The following SCAF4 variants were observed in gnomAD, a reference collection of about 807,000 sequenced individuals.
SCAF4 encodes the protein SR-related CTD associated factor 4.
SCAF4 carries 25 observed loss-of-function variants against 129.8 expected under a neutral mutation model. The ratio of observed to expected loss-of-function variants is 0.19; its 90% CI spans 0.14 to 0.27. The LOEUF (loss-of-function observed/expected upper bound fraction) is 0.27. Ranked by LOEUF, SCAF4 falls within the 10% of genes least tolerant of loss-of-function variation. The pLI is 1.00. For missense variants in SCAF4, 1,246 were observed against 1,457.1 expected (o/e 0.86, Z 2.36); for synonymous variants, 551 against 497.7 (o/e 1.11, Z -1.43).
intron 1 of SCAF4, among the ~76,000 whole-genome samples, chr21:31,723,664 T>A (rs2123686127): frequency 6.6e-6 from 1 of 151,236 alleles, no homozygotes. Context: ...AGTTCAAGTT[T>A]TCTTTCTGGC....
In SCAF4 at chr21:31,693,319, A is replaced by C. The variant is rs1173976537; in HGVS notation, c.1488T>G (p.Pro496=). 1 of 1,516,720 alleles carries C rather than the reference A, an allele frequency of 6.6e-7. No individual in the cohort carries two copies. The allele number at this position is 1,516,720 out of a possible 1,614,324, so 94.0% of individuals were successfully genotyped here. ...CACTTGCAGTTTCCGGTTTCACTTGAGGGAGGCCTTTTTGTCGACGTTCTC... is the reference window on the plus strand; with the variant it reads ...CACTTGCAGTTTCCGGTTTCACTTGCGGGAGGCCTTTTTGTCGACGTTCTC... ...KERERRQKGL[P]QVKPETASVC... Residue 496 remains proline, a synonymous_variant, in exon 12 of 20, where the codon CCT becomes CCG. Coordinates refer to ENST00000286835, the MANE Select transcript of SCAF4 (RefSeq NM_020706.2).
At chr21:31,691,572 CA>C (rs2050260486) in intron 14 of SCAF4, among the ~76,000 whole-genome samples, 1 of 151,380 alleles carries the variant, frequency 6.6e-6, no homozygotes, top group Non-Finnish European at 1.5e-5. Context: ...ATGATGAACC[CA>C]TCTACATTTA....
At chr21:31,699,890 G>A (rs183552657) in intron 7 of SCAF4, among the ~76,000 whole-genome samples, 30 of 152,290 alleles carry the variant, frequency 2.0e-4, no homozygotes, top group Non-Finnish European at 3.2e-4. Context: ...CTTAGTGGCA[G>A]CTTCTTAAAC....
At chr21:31,731,597 G>T in intron 1 of SCAF4, 66 bp downstream of exon 1, 1 of 1,544,452 alleles carries the variant, frequency 6.5e-7, no homozygotes, top group South Asian at 1.1e-5. Flanking sequence ...AACCTCCGGC[G>T]GCGGGAGAAA....
At chr21:31,721,722 A>ATT in intron 1 of SCAF4, among the ~76,000 whole-genome samples, 1 of 142,028 alleles carries the variant, frequency 7.0e-6, no homozygotes, top group Non-Finnish European at 1.5e-5. Flanking sequence ...AGCAAGAGCA[A>ATT]TTCTTTTTTT....
intron 19 of SCAF4, chr21:31,684,510 T>G: frequency 6.5e-6 from 1 of 153,588 alleles, no homozygotes; most frequent in Non-Finnish European, 1.5e-5. Flanking sequence ...GGGAAAGTGG[T>G]ACCTCAGGCT....
Position 31,728,396 on chromosome 21 carries a change from T to A in SCAF4, c.30+3267A>T, listed in dbSNP as rs530528572. Among the ~76,000 whole-genome samples the A allele has an allele frequency of 5.9e-5, 9 of 152,220 alleles. No homozygotes were observed. In the South Asian group the frequency reaches 1.9e-3, roughly 32 times the overall value. ...CTACCTCTTATTTCCTTATCTCCCA[T>A]CACCATTCAACCCTAAACCTCAAAT... is the stretch of plus-strand genomic sequence containing the variant. On this transcript the variant is annotated intron_variant, in intron 1 of 19. Coordinates refer to ENST00000286835, the MANE Select transcript of SCAF4 (RefSeq NM_020706.2).
intron 19 of SCAF4, among the ~76,000 whole-genome samples, chr21:31,678,172 T>C (rs568542443): frequency 4.6e-5 from 7 of 152,326 alleles, no homozygotes; most frequent in Admixed American, 1.3e-4. Context: ...TTGACATCTG[T>C]ACCTGGGTAT....
At chr21:31,722,508 TTATAGAGATGCCA>T (rs1568866193) in intron 1 of SCAF4, among the ~76,000 whole-genome samples, 1 of 152,150 alleles carries the variant, frequency 6.6e-6, no homozygotes, top group Admixed American at 6.5e-5. Context: ...TGAACAAAAA[TTATAGAGATGCCA>T]TCACTAAGCA....
At chr21:31,728,632 T>C (rs550958666) in intron 1 of SCAF4, among the ~76,000 whole-genome samples, 6 of 152,286 alleles carry the variant, frequency 3.9e-5, no homozygotes, top group African/African-American at 1.4e-4. Flanking sequence ...GTTGTGGGAA[T>C]ACATATTAAA....
In SCAF4 at chr21:31,701,844, G is replaced by A; in HGVS notation, c.532C>T (p.Pro178Ser). ...AAAGCATCAGAGCTGGGCAACTGTGGTACAGCTGGGACGGAGTTTGGAGTG... is the reference window on the plus strand; with the variant it reads ...AAAGCATCAGAGCTGGGCAACTGTGATACAGCTGGGACGGAGTTTGGAGTG... ...QATPNSVPAV[P>S]QLPSSDAFAA... is the part of the protein sequence containing the mutation. The change falls in exon 6 of 20, where the codon CCA (proline) becomes TCA (serine). Residue 178 changes from proline (P) to serine (S), a missense_variant. By Grantham distance (74) the Pro-to-Ser change is moderately conservative. Transcript: ENST00000286835. 1 of 1,614,096 alleles carries A rather than the reference G, an allele frequency of 6.2e-7. No homozygotes were observed. Among genetic ancestry groups the A allele is most frequent in the East Asian group, 2.2e-5 (1 of 44,878 alleles).
At chr21:31,719,130 A>G (rs1056235350) in intron 1 of SCAF4, among the ~76,000 whole-genome samples, 1 of 152,088 alleles carries the variant, frequency 6.6e-6, no homozygotes, top group East Asian at 1.9e-4. Flanking sequence ...ATCTCTACTA[A>G]ACATACAAAA....
At chr21:31,721,585 T>C (rs1471338506) in intron 1 of SCAF4, among the ~76,000 whole-genome samples, 2 of 152,202 alleles carry the variant, frequency 1.3e-5, no homozygotes, top group African/African-American at 2.4e-5. Flanking sequence ...ACTATTGCTC[T>C]TTAATGCAAC....
chr21:31,706,406 G>A, intron 1 of SCAF4, 49 bp from the exon 2 acceptor site: 1 of 1,259,460 alleles, frequency 7.9e-7, no homozygotes, highest in Middle Eastern at 2.0e-4. Context: ...TATTTGGCTA[G>A]TAAATAAGCA....
intron 7 of SCAF4, chr21:31,700,744 T>C: frequency 2.8e-6 from 1 of 362,968 alleles, no homozygotes; most frequent in Non-Finnish European, 5.1e-6. Context: ...ACTTTTTCTT[T>C]TTTTTTTTTT....
At chr21:31,716,372 A>G (rs1167987644) in intron 1 of SCAF4, among the ~76,000 whole-genome samples, 1 of 152,108 alleles carries the variant, frequency 6.6e-6, no homozygotes, top group East Asian at 1.9e-4. Flanking sequence ...AATGTTTCCT[A>G]AAAGAAATAC....
At chr21:31,691,766 C>T (rs752980378) in intron 14 of SCAF4, 51 bp downstream of exon 14, 1 of 858,730 alleles carries the variant, frequency 1.2e-6, no homozygotes, top group Non-Finnish European at 1.7e-6. Flanking sequence ...ACATATTTTT[C>T]CCCTTCTGCC....
At chr21:31,719,307 C>T (rs903536474) in intron 1 of SCAF4, among the ~76,000 whole-genome samples, 1 of 151,460 alleles carries the variant, frequency 6.6e-6, no homozygotes, top group African/African-American at 2.4e-5. Flanking sequence ...AAACAAAAAA[C>T]AAAAAACAAA....
rs1456935835 is a variant in SCAF4 at position 31,692,333 on chromosome 21, C to T, written c.1614+16G>A. The T allele has an allele frequency of 6.3e-7, 1 of 1,583,386 alleles. No homozygotes were observed. The highest frequency in any genetic ancestry group is 1.7e-5 in the Admixed American group (1 of 59,952). ...ACACCTGTCCATCGTACTTAAAAAA[C>T]TGAATAAACACTCACATTAATTGAT... is the stretch of plus-strand genomic sequence containing the variant. On this transcript the variant is annotated intron_variant, in intron 13 of 19. Transcript: ENST00000286835.
Sources: gnomAD v4.1 joint callset for allele counts (sites outside exome capture counted in the v4.1 genomes callset) on GRCh38, gnomAD v4.1.1 for gene constraint, MANE v1.5 for transcripts, NCBI Gene and HGNC (gene_info 2026-07-23, HGNC 2026-07-21) for gene names.